SFRP2: variants seen among roughly 807,000 people sequenced by gnomAD.
SFRP2 encodes the protein secreted frizzled related protein 2.
A neutral mutation model predicts 26.0 loss-of-function variants in SFRP2; 16 were observed. The observed-to-expected ratio is 0.61, with a 90% CI of 0.42 to 0.93. The LOEUF (loss-of-function observed/expected upper bound fraction) is 0.93, where lower values mean the gene tolerates loss of function less well. Ranked by LOEUF, SFRP2 falls within the 40% of genes least tolerant of loss-of-function variation. The probability of loss-of-function intolerance (pLI) is 0.00; values close to 1 mark genes in which losing one functional copy is unlikely to be tolerated. For missense variants in SFRP2, 343 were observed against 392.4 expected (o/e 0.87, Z 1.06); for synonymous variants, 173 against 167.3 (o/e 1.03, Z -0.26).
In SFRP2 at chr4:153,788,991, C is replaced by G. The variant is rs538501615; in HGVS notation, c.-156G>C. 5.2e-5 allele frequency: 47 copies of G among 899,704 alleles called. No individual in the cohort carries two copies. The African/African-American group carries it at 8.3e-4, about 16-fold the overall frequency. The allele number at this position is 899,704 out of a possible 1,614,324, so 55.7% of individuals were successfully genotyped here. On this transcript the variant is annotated 5_prime_UTR_variant, in exon 1 of 3. Transcript: ENST00000274063. ...GCGGCTGGGGCGCGGAGAAGCGGGA[C>G]ACCGGGAGGACAGCGCGGGCGAGGC...
chr4:153,787,400 T>C (rs1553961347), intron 1 of SFRP2, among the ~76,000 whole-genome samples: 1 of 152,228 alleles, frequency 6.6e-6, no homozygotes, highest in African/African-American at 2.4e-5. Flanking sequence ...GTAGGAAAAC[T>C]ACTAGAGATT....
intron 1 of SFRP2, 40 bp downstream of exon 1, chr4:153,788,294 C>A: frequency 6.3e-7 from 1 of 1,584,944 alleles, no homozygotes; most frequent in South Asian, 1.1e-5. Flanking sequence ...GGGAGCGTCT[C>A]AGCCCAGCAG....
rs1208665514 is a variant in SFRP2, at chr4:153,788,578, C to T, written c.258G>A (p.Gln86=). Residue 86 remains glutamine (Q), a synonymous_variant, in exon 1 of 3, where the codon CAG becomes CAA. Transcript: ENST00000274063. The part of the protein sequence containing the change: ...AGAWIPLVMK[Q]CHPDTKKFLC... ...GGAACTTCTTGGTGTCCGGGTGGCACTGCTTCATGACCAGCGGGATCCAAG... is the reference window on the plus strand; with the variant it reads ...GGAACTTCTTGGTGTCCGGGTGGCATTGCTTCATGACCAGCGGGATCCAAG... 1.2e-6 allele frequency: 2 copies of T among 1,614,074 alleles called. No individual in the cohort carries two copies. Among genetic ancestry groups the T allele is most frequent in the African/African-American group, 1.3e-5 (1 of 74,946 alleles).
rs773515619 is a variant in SFRP2, at chr4:153,788,879, G to C, written c.-44C>G. 2 of 1,507,932 alleles carry C rather than the reference G, an allele frequency of 1.3e-6. No individual in the cohort carries two copies. 93.4% of individuals were successfully genotyped at this position (1,507,932 alleles called of 1,614,324 possible). A position where few individuals can be genotyped will look rare whatever the true frequency, so the allele number is the denominator to read the frequency against. ...AGGGGGCAGAGGGAGCGGAGCCGGG[G>C]AAGGGCGAGGCGGCCGGAGTTCGAG... is the stretch of plus-strand genomic sequence containing the variant. On this transcript the variant is annotated 5_prime_UTR_variant, in exon 1 of 3. Coordinates refer to ENST00000274063, the MANE Select transcript of SFRP2 (RefSeq NM_003013.3).
In SFRP2 at chr4:153,788,604, C is replaced by A. The variant is rs761355765; in HGVS notation, c.232G>T (p.Ala78Ser). ...TGCTTCATGACCAGCGGGATCCAAG[C>A]GCCGGCCTGCTCCAGCACCTCCTTC... ...TMKEVLEQAGAWIPLVMKQCH... is the reference protein window; with the variant it reads ...TMKEVLEQAGSWIPLVMKQCH... Residue 78 changes from alanine (A) to serine (S), a missense_variant, in exon 1 of 3, where the codon GCT becomes TCT. By Grantham distance (99) the Ala-to-Ser change is moderately conservative. Around this residue, in one of 2 missense-constraint regions of SFRP2, gnomAD observed 251 missense variants for 253.3 expected, o/e 0.99. Coordinates refer to ENST00000274063, the MANE Select transcript of SFRP2 (RefSeq NM_003013.3). 1.2e-6 allele frequency: 2 copies of A among 1,614,030 alleles called. No individual in the cohort carries two copies. The highest frequency in any genetic ancestry group is 1.7e-6 in the Non-Finnish European group (2 of 1,180,022).
chr4:153,782,757 G>C (rs1459068077), intron 2 of SFRP2, among the ~76,000 whole-genome samples: 1 of 152,188 alleles, frequency 6.6e-6, no homozygotes, highest in Non-Finnish European at 1.5e-5. Flanking sequence ...ACCTCCTCCT[G>C]TAATACCACT....
chr4:153,788,755 G>C lies in SFRP2; in HGVS notation c.81C>G (p.Leu27=), dbSNP rs1384821090. 1.2e-6 allele frequency: 2 copies of C among 1,612,376 alleles called. No homozygotes were observed. Among genetic ancestry groups the C allele is most frequent in the African/African-American group, 2.7e-5 (2 of 74,924 alleles). The change falls in exon 1 of 3, where the codon CTC becomes CTG. Residue 27 remains leucine, a synonymous_variant. Transcript: ENST00000274063. ...CCLGSARGLF[L]FGQPDFSYKR... ...TGTAGGAGAAGTCGGGCTGGCCAAA[G>C]AGGAAGAGCCCGCGCGCCGAGCCCA...
At position 153,781,524 on chromosome 4, in the gene SFRP2, G is replaced by A. The variant is rs773765944; in HGVS notation, c.815C>T (p.Ser272Leu). Reference sequence around the variant, plus strand: ...CTGCCCCTTCTGCCACCGCTTCACCGAGGTGATCACCAGCTCCCCACCCTG... The same window carrying A: ...CTGCCCCTTCTGCCACCGCTTCACCAAGGTGATCACCAGCTCCCCACCCTG... ...QKQGGELVIT[S>L]VKRWQKGQRE... Residue 272 changes from serine to leucine, a missense_variant, in exon 3 of 3, where the codon TCG (serine) becomes TTG (leucine). Ser to Leu is a moderately radical substitution (Grantham distance 145). This residue lies in a region of SFRP2 where 92 missense variants were observed against 139.0 expected (regional missense o/e 0.66). Coordinates refer to ENST00000274063, the MANE Select transcript of SFRP2 (RefSeq NM_003013.3). The A allele has an allele frequency of 1.9e-6, 3 of 1,614,030 alleles. No homozygotes were observed. The highest frequency in any genetic ancestry group is 2.2e-5 in the East Asian group (1 of 44,878).
At chr4:153,784,852 G>C (rs924609626) in intron 2 of SFRP2, among the ~76,000 whole-genome samples, 1 of 152,134 alleles carries the variant, frequency 6.6e-6, no homozygotes, top group East Asian at 1.9e-4. Context: ...ACACCAAAAG[G>C]TACCTGCCCT....
chr4:153,788,750 C>A lies in SFRP2; in HGVS notation c.86G>T (p.Gly29Val), dbSNP rs1029220340. The stretch of plus-strand genomic sequence containing the variant: ...GCGCTTGTAGGAGAAGTCGGGCTGG[C>A]CAAAGAGGAAGAGCCCGCGCGCCGA... ...LGSARGLFLFGQPDFSYKRSN... is the reference protein window; with the variant it reads ...LGSARGLFLFVQPDFSYKRSN... Residue 29 changes from glycine to valine, a missense_variant, in exon 1 of 3, where the codon GGC becomes GTC. Gly to Val is a moderately radical substitution (Grantham distance 109, BLOSUM62 -3). Around this residue, in one of 2 missense-constraint regions of SFRP2, gnomAD observed 251 missense variants for 253.3 expected, o/e 0.99. Transcript: ENST00000274063. The A allele has an allele frequency of 1.2e-6, 2 of 1,612,778 alleles. No homozygotes were observed. The highest frequency in any genetic ancestry group is 1.3e-5 in the African/African-American group (1 of 75,034).
chr4:153,787,331 T>C (rs1033307724), intron 1 of SFRP2, among the ~76,000 whole-genome samples: 2 of 152,238 alleles, frequency 1.3e-5, no homozygotes, highest in African/African-American at 2.4e-5. Context: ...TGCAAACTCA[T>C]GGTCCCTGCC....
In SFRP2 at chr4:153,788,949, C is replaced by T. The variant is rs1392207215; in HGVS notation, c.-114G>A. The T allele has an allele frequency of 1.6e-5, 21 of 1,302,090 alleles. No individual in the cohort carries two copies. Among genetic ancestry groups the T allele is most frequent in the Admixed American group, 3.1e-5 (1 of 31,858 alleles). The allele number at this position is 1,302,090 out of a possible 1,614,324, so 80.7% of individuals were successfully genotyped here. A position where few individuals can be genotyped will look rare whatever the true frequency, so the allele number is the denominator to read the frequency against. On this transcript the variant is annotated 5_prime_UTR_variant, in exon 1 of 3. Coordinates refer to ENST00000274063, the MANE Select transcript of SFRP2 (RefSeq NM_003013.3). ...CTTCGCTGGGTGCGACTCGGGGCCC[C>T]GAAAAGCTGGCAGCCGGCGGCTGGG...
At chr4:153,782,605 A>G (rs1466477069) in intron 2 of SFRP2, among the ~76,000 whole-genome samples, 1 of 152,246 alleles carries the variant, frequency 6.6e-6, no homozygotes, top group Non-Finnish European at 1.5e-5. Flanking sequence ...TGAAAGCAGG[A>G]AAAGAATAGA....
chr4:153,784,784 G>A lies in SFRP2; in HGVS notation c.583+1080C>T, dbSNP rs146960655. On this transcript the variant is annotated intron_variant, in intron 2 of 2. Coordinates refer to ENST00000274063, the MANE Select transcript of SFRP2 (RefSeq NM_003013.3). ...GAGCAGGGAACATATCTGCTTATGA[G>A]TAAGTTCAGCCTTGTGCCTGAATAA... Among the ~76,000 whole-genome samples, 241 of 152,332 alleles carry A rather than the reference G, an allele frequency of 1.6e-3. 1 individual carries two copies. The highest frequency in any genetic ancestry group is 1.8e-3 in the Non-Finnish European group (122 of 68,030).
rs763890885 is a variant in SFRP2 at position 153,781,567 on chromosome 4, G to C, written c.772C>G (p.Leu258Val). 5.9e-5 allele frequency: 95 copies of C among 1,614,064 alleles called. No individual in the cohort carries two copies. Among genetic ancestry groups the C allele is most frequent in the Non-Finnish European group, 7.9e-5 (93 of 1,180,026 alleles). Residue 258 changes from leucine to valine, a missense_variant, in exon 3 of 3, where the codon CTG (leucine) becomes GTG (valine). Transcript: ENST00000274063. ...EEMNDINAPY[L>V]VMGQKQGGEL... ...CCACCCTGTTTCTGTCCCATGACCAGATAGGGCGCGTTGATGTCGTTCATC... is the reference window on the plus strand; with the variant it reads ...CCACCCTGTTTCTGTCCCATGACCACATAGGGCGCGTTGATGTCGTTCATC...
rs892901903 is a variant in SFRP2 at position 153,788,162 on chromosome 4, G to A, written c.502+172C>T. Among the ~76,000 whole-genome samples the A allele has an allele frequency of 1.4e-4, 21 of 152,352 alleles. 1 individual carries two copies. Among genetic ancestry groups the A allele is most frequent in the Admixed American group, 1.0e-3 (16 of 15,306 alleles). ...GAGACTTGGGCGGCGTGGGAGGGGT[G>A]CCTCAAATTTGATACAGGCTTGTTG... On this transcript the variant is annotated intron_variant, in intron 1 of 2. Transcript: ENST00000274063.
At chr4:153,786,469 A>T (rs1437178134) in intron 1 of SFRP2, among the ~76,000 whole-genome samples, 1 of 151,270 alleles carries the variant, frequency 6.6e-6, no homozygotes, top group African/African-American at 2.4e-5. Flanking sequence ...AGAGCTCTGT[A>T]TCTCAGGGGG....
Position 153,788,049 on chromosome 4 carries a change from G to A in SFRP2, c.502+285C>T, listed in dbSNP as rs186107103. Among the ~76,000 whole-genome samples the A allele has an allele frequency of 1.5e-3, 232 of 152,224 alleles. 1 individual carries two copies. Among genetic ancestry groups the A allele is most frequent in the African/African-American group, 4.8e-3 (201 of 41,530 alleles). On this transcript the variant is annotated intron_variant, in intron 1 of 2. Coordinates refer to ENST00000274063, the MANE Select transcript of SFRP2 (RefSeq NM_003013.3). ...TTTTTAAACCGCCGTTCAGTTCTTC[G>A]TTTTTTTAGTTTTGTTGTTTTTGTT...
chr4:153,781,876 A>G, intron 2 of SFRP2, 121 bp from the exon 3 acceptor site: 1 of 849,166 alleles, frequency 1.2e-6, no homozygotes, highest in Non-Finnish European at 1.9e-6. Context: ...CCTAGAGCTA[A>G]TGGGACCCTC....
Sources: gnomAD v4.1 joint callset for allele counts (sites outside exome capture counted in the v4.1 genomes callset) on GRCh38, gnomAD v4.1.1 for gene constraint, gnomAD v4.1.1 regional missense constraint, MANE v1.5 for transcripts, NCBI Gene and HGNC (gene_info 2026-07-23, HGNC 2026-07-21) for gene names.